The following ROBO2 variants were observed in gnomAD, a reference collection of about 807,000 sequenced individuals.
ROBO2 encodes the protein roundabout guidance receptor 2.
A neutral mutation model predicts 160.8 loss-of-function variants in ROBO2; 53 were observed. That is an observed-to-expected ratio of 0.33 (90% CI 0.26 to 0.41). The LOEUF (loss-of-function observed/expected upper bound fraction) is 0.41, where lower values mean the gene tolerates loss of function less well. ROBO2 is among the 10% of genes least tolerant of loss of function. ROBO2 has a pLI of 1.00. For synonymous variants in ROBO2, 664 were observed against 611.7 expected (o/e 1.09, Z -1.26); for missense variants, 1,577 against 1,722.4 (o/e 0.92, Z 1.49).
intron 2 of ROBO2, among the ~76,000 whole-genome samples, chr3:77,197,320 A>G (rs1343873681): frequency 6.6e-6 from 1 of 152,206 alleles, no homozygotes; most frequent in Non-Finnish European, 1.5e-5. Flanking sequence ...ATTAATGAGC[A>G]ATAGACAACC....
intron 2 of ROBO2, among the ~76,000 whole-genome samples, chr3:77,253,001 T>G (rs2090555268): frequency 6.6e-6 from 1 of 151,434 alleles, no homozygotes; most frequent in African/African-American, 2.4e-5. Context: ...TGTCCCAAAG[T>G]TAACATTACA....
In ROBO2 at chr3:76,840,674, TAA is replaced by T. The variant is rs1340785002; in HGVS notation, c.110-257339_110-257338del. ...ATATATATATATATATATATATATATAAGATGAAGTAAGAATATGTTATCATG... is the reference window on the plus strand; with the variant it reads ...ATATATATATATATATATATATATATGATGAAGTAAGAATATGTTATCATG... On this transcript the variant is annotated intron_variant, in intron 2 of 26. Transcript: ENST00000487694. 2.0e-4 allele frequency among the ~76,000 whole-genome samples: 25 copies of T among 127,062 alleles called. 1 individual carries two copies. Among genetic ancestry groups the T allele is most frequent in the Middle Eastern group, 4.2e-3 (1 of 236 alleles). The allele number at this position is 127,062 out of a possible 152,430, so 83.4% of individuals were successfully genotyped here. A position where few individuals can be genotyped will look rare whatever the true frequency, so the allele number is the denominator to read the frequency against.
intron 2 of ROBO2, among the ~76,000 whole-genome samples, chr3:77,356,145 T>G (rs940226847): frequency 6.6e-6 from 1 of 152,188 alleles, no homozygotes; most frequent in Non-Finnish European, 1.5e-5. Flanking sequence ...AATAAAATAT[T>G]ATGCAACCAT....
intron 2 of ROBO2, among the ~76,000 whole-genome samples, chr3:76,409,219 G>A (rs1230437158): frequency 6.6e-6 from 1 of 151,974 alleles, no homozygotes; most frequent in African/African-American, 2.4e-5. Flanking sequence ...AAAATTGTAG[G>A]TATCAAGATA....
chr3:76,805,200 T>C (rs1054492782), intron 2 of ROBO2, among the ~76,000 whole-genome samples: 16 of 152,090 alleles, frequency 1.1e-4, no homozygotes, highest in African/African-American at 3.9e-4. Flanking sequence ...TTTTCTTTTC[T>C]TGACTCTGTC....
intron 2 of ROBO2, among the ~76,000 whole-genome samples, chr3:76,441,645 TGTGA>T (rs571932739): frequency 6.1e-4 from 93 of 152,302 alleles, no homozygotes; most frequent in African/African-American, 2.1e-3. Context: ...ATAAAAACTG[TGTGA>T]GTGTGTATCC....
chr3:77,349,658 G>A (rs1201213021), intron 2 of ROBO2, among the ~76,000 whole-genome samples: 1 of 152,156 alleles, frequency 6.6e-6, no homozygotes, highest in East Asian at 1.9e-4. Flanking sequence ...AGTTGGGCAC[G>A]TGAATCCTAG....
chr3:76,083,738 A>C (rs2068916560), intron 2 of ROBO2, among the ~76,000 whole-genome samples: 1 of 152,082 alleles, frequency 6.6e-6, no homozygotes, highest in Non-Finnish European at 1.5e-5. Context: ...TTCCCGTTTG[A>C]ATGTCTTTCC....
At chr3:76,980,382 G>A (rs2060034757) in intron 2 of ROBO2, among the ~76,000 whole-genome samples, 1 of 152,144 alleles carries the variant, frequency 6.6e-6, no homozygotes. Flanking sequence ...TGGTATCAGG[G>A]CTGTACTTGA....
At chr3:76,726,540 CT>C (rs529204701) in intron 2 of ROBO2, among the ~76,000 whole-genome samples, 2 of 152,190 alleles carry the variant, frequency 1.3e-5, no homozygotes, top group East Asian at 1.9e-4. Context: ...TTTACTGATA[CT>C]TTTTTTCATG....
In ROBO2 at chr3:77,484,508, AACACACAC is replaced by A. The variant is rs60959193; in HGVS notation, c.667+3317_667+3324del. ...TACAGGAATCTCTTGCCCCAACACA[AACACACAC>A]ACACACACACACACACACACACACA... On this transcript the variant is annotated intron_variant, in intron 4 of 25. Transcript: ENST00000461745. Among the ~76,000 whole-genome samples, 200 of 146,810 alleles carry A rather than the reference AACACACAC, an allele frequency of 1.4e-3. 1 individual carries two copies. The highest frequency in any genetic ancestry group is 7.0e-3 in the East Asian group (35 of 4,982).
chr3:76,249,296 C>G (rs1705835706), intron 2 of ROBO2, among the ~76,000 whole-genome samples: 2 of 152,038 alleles, frequency 1.3e-5, no homozygotes, highest in Non-Finnish European at 2.9e-5. Context: ...GTTGGAGAGT[C>G]AGGACTTGAG....
intron 2 of ROBO2, among the ~76,000 whole-genome samples, chr3:77,148,179 G>T (rs1007143722): frequency 6.6e-6 from 1 of 152,198 alleles, no homozygotes; most frequent in Non-Finnish European, 1.5e-5. Flanking sequence ...ATACTTCTGT[G>T]CTTCCTCCTT....
intron 2 of ROBO2, among the ~76,000 whole-genome samples, chr3:76,380,889 G>T (rs1180093077): frequency 6.6e-6 from 1 of 152,088 alleles, no homozygotes; most frequent in East Asian, 1.9e-4. Flanking sequence ...TTTCCATCAT[G>T]ATAGAAATAA....
chr3:76,000,809 A>T (rs1398073334), intron 2 of ROBO2, among the ~76,000 whole-genome samples: 1 of 152,130 alleles, frequency 6.6e-6, no homozygotes, highest in Non-Finnish European at 1.5e-5. Flanking sequence ...AGATATTAAT[A>T]TCACTATACA....
intron 2 of ROBO2, among the ~76,000 whole-genome samples, chr3:77,178,050 T>C (rs2080327447): frequency 6.6e-6 from 1 of 152,014 alleles, no homozygotes; most frequent in Non-Finnish European, 1.5e-5. Context: ...CTACTGAACT[T>C]CCTGGGGAAA....
chr3:77,014,689 T>C (rs1282395670), intron 2 of ROBO2, among the ~76,000 whole-genome samples: 1 of 152,050 alleles, frequency 6.6e-6, no homozygotes, highest in Non-Finnish European at 1.5e-5. Context: ...TCAGGAGTAG[T>C]TGGAGACTGA....
At chr3:77,611,798 T>A (rs1379014377) in intron 21 of ROBO2, among the ~76,000 whole-genome samples, 1 of 152,200 alleles carries the variant, frequency 6.6e-6, no homozygotes, top group Admixed American at 6.5e-5. Flanking sequence ...GATGGCAATG[T>A]TTTCTCCTAT....
chr3:77,044,492 C>T (rs1347818418), intron 1 of ROBO2, among the ~76,000 whole-genome samples: 1 of 152,086 alleles, frequency 6.6e-6, no homozygotes, highest in African/African-American at 2.4e-5. Flanking sequence ...TTCTCCTCTC[C>T]TTCTCTTTCT....
Sources: gnomAD v4.1 joint callset for allele counts (sites outside exome capture counted in the v4.1 genomes callset) on GRCh38, gnomAD v4.1.1 for gene constraint, MANE v1.5 for transcripts, NCBI Gene and HGNC (gene_info 2026-07-23, HGNC 2026-07-21) for gene names.